The following CACNB4 variants were observed in gnomAD, a reference collection of about 807,000 sequenced individuals.
CACNB4 encodes the protein voltage-dependent L-type calcium channel subunit beta-4.
CACNB4 carries 32 observed loss-of-function variants against 71.2 expected under a neutral mutation model. The observed-to-expected ratio is 0.45, with a 90% CI of 0.34 to 0.60. The LOEUF is 0.60. Among genes scored for constraint, CACNB4 ranks in the 20% least tolerant of loss-of-function variants. The pLI, the probability that CACNB4 is intolerant of heterozygous loss-of-function variation, is 0.01. For synonymous variants in CACNB4, 231 were observed against 236.9 expected (o/e 0.97, Z 0.23); for missense variants, 464 against 647.9 (o/e 0.72, Z 3.08).
intron 2 of CACNB4, among the ~76,000 whole-genome samples, chr2:152,075,495 G>A (rs1433565958): frequency 6.6e-6 from 1 of 152,238 alleles, no homozygotes; most frequent in East Asian, 1.9e-4. Flanking sequence ...AAGAAAAGGA[G>A]TTAAGAGTCA....
chr2:152,051,351 C>A (rs1685421260), intron 2 of CACNB4, among the ~76,000 whole-genome samples: 1 of 152,150 alleles, frequency 6.6e-6, no homozygotes, highest in Non-Finnish European at 1.5e-5. Context: ...AGTTGTGCTG[C>A]AACTATCACC....
At chr2:151,949,199 CA>C (rs35693217) in intron 2 of CACNB4, among the ~76,000 whole-genome samples, 35,859 of 143,420 alleles carry the variant, frequency 0.25, 4,396 homozygotes, top group Middle Eastern at 0.43. Context: ...AAATAGGTAA[CA>C]AAAAAAAAAA....
At chr2:151,842,459 T>A (rs2099836472) in intron 12 of CACNB4, among the ~76,000 whole-genome samples, 1 of 151,066 alleles carries the variant, frequency 6.6e-6, no homozygotes, top group Non-Finnish European at 1.5e-5. Context: ...GCCTCCCAAG[T>A]AGCTGGGATT....
intron 4 of CACNB4, among the ~76,000 whole-genome samples, chr2:151,877,323 AT>A (rs1375921543): frequency 6.6e-6 from 1 of 152,194 alleles, no homozygotes; most frequent in South Asian, 2.1e-4. Flanking sequence ...CTGTGTTTCA[AT>A]AAAACTTTTC....
chr2:151,960,403 C>T (rs2099869361), intron 2 of CACNB4, among the ~76,000 whole-genome samples: 1 of 152,140 alleles, frequency 6.6e-6, no homozygotes, highest in Non-Finnish European at 1.5e-5. Flanking sequence ...TGGCTTTGAC[C>T]CTGCAGACAC....
intron 3 of CACNB4, among the ~76,000 whole-genome samples, chr2:151,882,423 T>C (rs1398468991): frequency 2.6e-5 from 4 of 152,080 alleles, no homozygotes; most frequent in Admixed American, 1.3e-4. Flanking sequence ...GCTTCTGTTT[T>C]TTCTTCTTCT....
intron 2 of CACNB4, among the ~76,000 whole-genome samples, chr2:151,893,806 A>T (rs962101562): frequency 2.0e-5 from 3 of 152,232 alleles, no homozygotes; most frequent in Admixed American, 2.0e-4. Context: ...AATGACAAAA[A>T]GAAAACATTG....
intron 9 of CACNB4, among the ~76,000 whole-genome samples, chr2:151,863,253 A>G (rs916196916): frequency 1.8e-4 from 27 of 152,006 alleles, no homozygotes; most frequent in African/African-American, 6.5e-4. Flanking sequence ...TTTACTACAG[A>G]TGAGGTTTCA....
intron 2 of CACNB4, among the ~76,000 whole-genome samples, chr2:152,096,844 A>G (rs908261403): frequency 6.6e-6 from 1 of 152,250 alleles, no homozygotes; most frequent in Non-Finnish European, 1.5e-5. Context: ...AGTTATGTAG[A>G]TGAACTCAAA....
chr2:151,938,962 T>C (rs890960545), intron 2 of CACNB4, among the ~76,000 whole-genome samples: 3 of 152,238 alleles, frequency 2.0e-5, no homozygotes, highest in African/African-American at 7.2e-5. Flanking sequence ...GGGACCTCTG[T>C]CAGATCTCAC....
chr2:152,035,432 T>C (rs1684499817), intron 2 of CACNB4, among the ~76,000 whole-genome samples: 1 of 152,248 alleles, frequency 6.6e-6, no homozygotes, highest in South Asian at 2.1e-4. Flanking sequence ...TGGTGGCACA[T>C]GCCTGTAATC....
chr2:152,074,946 T>C (rs1159648751), intron 2 of CACNB4, among the ~76,000 whole-genome samples: 2 of 152,034 alleles, frequency 1.3e-5, no homozygotes, highest in African/African-American at 4.8e-5. Context: ...CCATCATCAC[T>C]CTAGGATGTT....
intron 3 of CACNB4, among the ~76,000 whole-genome samples, chr2:151,882,134 C>A (rs2099848034): frequency 6.6e-6 from 1 of 150,502 alleles, no homozygotes; most frequent in Non-Finnish European, 1.5e-5. Flanking sequence ...CCGCCTCGGC[C>A]TCCCAAAGTG....
intron 2 of CACNB4, among the ~76,000 whole-genome samples, chr2:151,941,842 T>A (rs150239990): frequency 6.6e-6 from 1 of 152,268 alleles, no homozygotes; most frequent in Non-Finnish European, 1.5e-5. Context: ...AAGGAGTGAG[T>A]GCTGGCTTCT....
chr2:151,897,422 C>T (rs572335760), intron 2 of CACNB4, among the ~76,000 whole-genome samples: 1 of 152,300 alleles, frequency 6.6e-6, no homozygotes, highest in East Asian at 1.9e-4. Flanking sequence ...TTTTCTCTTC[C>T]CTTCCTCCAG....
intron 2 of CACNB4, among the ~76,000 whole-genome samples, chr2:152,086,812 C>T (rs1687684471): frequency 6.6e-6 from 1 of 152,198 alleles, no homozygotes; most frequent in Admixed American, 6.5e-5. Flanking sequence ...AGTCCAGGGT[C>T]AGGGGTTTGA....
chr2:152,051,478 A>C, intron 2 of CACNB4, among the ~76,000 whole-genome samples: 1 of 152,126 alleles, frequency 6.6e-6, no homozygotes, highest in East Asian at 1.9e-4. Context: ...GCATTTGGAG[A>C]TGGAGCGCTC....
At chr2:152,011,637 T>C (rs146270258) in intron 2 of CACNB4, among the ~76,000 whole-genome samples, 13 of 152,342 alleles carry the variant, frequency 8.5e-5, no homozygotes, top group African/African-American at 3.1e-4. Context: ...ATCACCCTGG[T>C]GTTTGATGCT....
chr2:151,919,248 G>A (rs2099858312), intron 2 of CACNB4, among the ~76,000 whole-genome samples: 1 of 152,160 alleles, frequency 6.6e-6, no homozygotes, highest in Non-Finnish European at 1.5e-5. Context: ...TTTTCTTTGA[G>A]TGAGACAAGG....
Sources: allele counts gnomAD v4.1 joint callset (sites outside exome capture counted in the v4.1 genomes callset), GRCh38; gene constraint gnomAD v4.1.1; transcripts MANE v1.5; gene names NCBI Gene and HGNC (gene_info 2026-07-23, HGNC 2026-07-21).